The following STRIP2 variants were observed in gnomAD, a reference collection of about 807,000 sequenced individuals.
The protein encoded by STRIP2 is striatin-interacting protein 2.
In STRIP2, 84 loss-of-function variants were observed where a neutral mutation model predicts 107.1. That is an observed-to-expected ratio of 0.78 (90% CI 0.66 to 0.94). The LOEUF (loss-of-function observed/expected upper bound fraction) is 0.94, where lower values mean the gene tolerates loss of function less well. Ranked by LOEUF, STRIP2 falls within the 40% of genes least tolerant of loss-of-function variation. The probability of loss-of-function intolerance (pLI) is 0.00; values close to 1 mark genes in which losing one functional copy is unlikely to be tolerated. For missense variants in STRIP2, 888 were observed against 1,034.2 expected (o/e 0.86, Z 1.94); for synonymous variants, 394 against 400.4 (o/e 0.98, Z 0.19).
At chr7:129,485,421 C>T (rs1265118791) in intron 20 of STRIP2, among the ~76,000 whole-genome samples, 158 bp from the exon 21 acceptor site, 2 of 130,952 alleles carry the variant, frequency 1.5e-5, no homozygotes, top group Non-Finnish European at 3.1e-5. Flanking sequence ...TAAGTGTCAG[C>T]ATGCTGTATA....
chr7:129,450,054 C>T (rs1369156083), intron 3 of STRIP2, among the ~76,000 whole-genome samples: 1 of 152,172 alleles, frequency 6.6e-6, no homozygotes, highest in African/African-American at 2.4e-5. Flanking sequence ...ATTTATTTTG[C>T]ATAACTCTCT....
chr7:129,441,361 C>T (rs1295335976), intron 2 of STRIP2, among the ~76,000 whole-genome samples: 1 of 151,722 alleles, frequency 6.6e-6, no homozygotes, highest in Admixed American at 6.6e-5. Flanking sequence ...CAAGTCTACT[C>T]CTAGATATCC....
intron 3 of STRIP2, among the ~76,000 whole-genome samples, chr7:129,449,554 T>A (rs1281782177): frequency 1.3e-5 from 2 of 152,174 alleles, no homozygotes; most frequent in Admixed American, 6.5e-5. Context: ...TTGCCACTAC[T>A]GGGGATGGGG....
At position 129,458,143 on chromosome 7, in the gene STRIP2, A is replaced by G; in HGVS notation, c.1039-72A>G. The G allele has an allele frequency of 1.8e-6, 2 of 1,139,890 alleles. No homozygotes were observed. The highest frequency in any genetic ancestry group is 2.6e-6 in the Non-Finnish European group (2 of 759,472). The allele number at this position is 1,139,890 out of a possible 1,614,324, so 70.6% of individuals were successfully genotyped here. On this transcript the variant is annotated intron_variant, in intron 9 of 20. Coordinates refer to ENST00000249344, the MANE Select transcript of STRIP2 (RefSeq NM_020704.3). The surrounding 1 kb of genome is among the most constrained non-coding windows in gnomAD (Gnocchi z 4.6). Reference sequence around the variant, plus strand: ...CCCTGAAATGTGGAGGCCTGTGGATATGGGGTGGCCTCAGACAAGGATGCC... The same window carrying G: ...CCCTGAAATGTGGAGGCCTGTGGATGTGGGGTGGCCTCAGACAAGGATGCC...
At chr7:129,438,057 G>A (rs543877182) in intron 1 of STRIP2, among the ~76,000 whole-genome samples, 18 of 152,162 alleles carry the variant, frequency 1.2e-4, no homozygotes, top group African/African-American at 3.4e-4. Flanking sequence ...CGCCCACCTC[G>A]GCCTCCCAAA....
chr7:129,444,969 C>T (rs1664419995), intron 3 of STRIP2, among the ~76,000 whole-genome samples: 1 of 152,184 alleles, frequency 6.6e-6, no homozygotes, highest in South Asian at 2.1e-4. Context: ...TCATGACCAG[C>T]TGGTCACGTG....
chr7:129,456,675 A>T lies in STRIP2; in HGVS notation c.1038+33A>T, dbSNP rs771378544. 3.8e-6 allele frequency: 6 copies of T among 1,577,698 alleles called. No individual in the cohort carries two copies. In the Admixed American group the frequency reaches 6.8e-5, roughly 18 times the overall value. On this transcript the variant is annotated intron_variant, in intron 9 of 20. Coordinates refer to ENST00000249344, the MANE Select transcript of STRIP2 (RefSeq NM_020704.3). ...CTGAAGCAGACAATGGTATTGGGAC[A>T]CCGACTGGCCAAAAATCAAGATTCT...
At chr7:129,449,496 C>T (rs1798124660) in intron 3 of STRIP2, among the ~76,000 whole-genome samples, 1 of 152,162 alleles carries the variant, frequency 6.6e-6, no homozygotes, top group Non-Finnish European at 1.5e-5. Flanking sequence ...TTTATCTCCT[C>T]AGACAAAGGT....
rs762567887 is a variant in STRIP2 at position 129,451,681 on chromosome 7, C to T, written c.343C>T (p.Arg115Trp). ...QKAYIMGLLD[R>W]LEVVSRERRL... ...GGCCTATATAATGGGACTCTTGGAC[C>T]GGCTAGAGGTGGTCAGTAGGGAACG... Residue 115 changes from arginine to tryptophan, a missense_variant, in exon 4 of 21, where the codon CGG becomes TGG. By Grantham distance (101) the Arg-to-Trp change is moderately radical. Coordinates refer to ENST00000249344, the MANE Select transcript of STRIP2 (RefSeq NM_020704.3). 13 of 1,613,944 alleles carry T rather than the reference C, an allele frequency of 8.1e-6. No individual in the cohort carries two copies. Among genetic ancestry groups the T allele is most frequent in the African/African-American group, 1.3e-5 (1 of 74,880 alleles).
At position 129,483,376 on chromosome 7, in the gene STRIP2, G is replaced by A; in HGVS notation, c.2254+330G>A. The stretch of plus-strand genomic sequence containing the variant: ...ACTTTTTATTATTACAAAGCAGTTA[G>A]AAAAAAAGATAGAAAATACAAGTAA... On this transcript the variant is annotated intron_variant, in intron 20 of 20. Coordinates refer to ENST00000249344, the MANE Select transcript of STRIP2 (RefSeq NM_020704.3). This position sits in a 1 kb window ranked among gnomAD's most constrained non-coding sequence, Gnocchi z 5.1. 2.1e-6 allele frequency: 2 copies of A among 946,844 alleles called. No homozygotes were observed. The highest frequency in any genetic ancestry group is 4.7e-5 in the Admixed American group (1 of 21,486). 58.7% of individuals were successfully genotyped at this position (946,844 alleles called of 1,614,324 possible).
chr7:129,470,140 C>G (rs377479956), intron 17 of STRIP2, among the ~76,000 whole-genome samples: 2 of 152,318 alleles, frequency 1.3e-5, no homozygotes, highest in African/African-American at 4.8e-5. Context: ...CTATAGGAAA[C>G]TGCCCCTGTC....
chr7:129,482,376 TA>T (rs1432305711), intron 19 of STRIP2, among the ~76,000 whole-genome samples: 1,569 of 70,504 alleles, frequency 0.022, 21 homozygotes, highest in African/African-American at 0.035. Context: ...TATATATATA[TA>T]TTTTTTTTTT....
intron 16 of STRIP2, 80 bp downstream of exon 16, chr7:129,464,818 T>G: frequency 1.3e-6 from 2 of 1,564,274 alleles, no homozygotes; most frequent in African/African-American, 2.7e-5. Context: ...GCAAAGTCCC[T>G]TTTAATCCTG....
intron 14 of STRIP2, among the ~76,000 whole-genome samples, chr7:129,463,817 A>T (rs1175746162): frequency 6.6e-6 from 1 of 152,210 alleles, no homozygotes; most frequent in Non-Finnish European, 1.5e-5. Flanking sequence ...GTCTTGAAGC[A>T]TAACAGCCAA....
chr7:129,481,193 C>A (rs1799107098), intron 19 of STRIP2, among the ~76,000 whole-genome samples: 1 of 152,104 alleles, frequency 6.6e-6, no homozygotes, highest in African/African-American at 2.4e-5. Context: ...ATCATTGCAA[C>A]ATTGTTTATA....
At chr7:129,436,513 A>G (rs143917570) in intron 1 of STRIP2, among the ~76,000 whole-genome samples, 1 of 152,188 alleles carries the variant, frequency 6.6e-6, no homozygotes, top group Non-Finnish European at 1.5e-5. Context: ...GAAATGAACA[A>G]CTGCTGCGAT....
chr7:129,440,038 C>T lies in STRIP2; in HGVS notation c.146C>T (p.Pro49Leu), dbSNP rs1797855188. Residue 49 changes from proline to leucine, a missense_variant, in exon 2 of 21, where the codon CCC becomes CTC. Pro to Leu is a moderately conservative substitution (Grantham distance 98). Coordinates refer to ENST00000249344, the MANE Select transcript of STRIP2 (RefSeq NM_020704.3). ...CTGTTACAGGGCTCTGTGGACTGTC[C>T]CACTCTGGAGTTTGAGTATGGAGAT... ...RRESEGSVDC[P>L]TLEFEYGDAD... The T allele has an allele frequency of 6.2e-7, 1 of 1,613,932 alleles. No individual in the cohort carries two copies. Among genetic ancestry groups the T allele is most frequent in the Admixed American group, 1.7e-5 (1 of 59,994 alleles).
At chr7:129,459,821 T>G (rs1030934657) in intron 12 of STRIP2, among the ~76,000 whole-genome samples, 4 of 152,196 alleles carry the variant, frequency 2.6e-5, no homozygotes, top group Non-Finnish European at 5.9e-5. Context: ...CCTCTTCCCA[T>G]TCTTCTCTCT....
At chr7:129,435,105 G>A (rs926493587) in intron 1 of STRIP2, among the ~76,000 whole-genome samples, 2 of 152,224 alleles carry the variant, frequency 1.3e-5, no homozygotes, top group South Asian at 2.1e-4. Flanking sequence ...TTCCCTGCCC[G>A]TCCCCTTCCC....
Sources: allele counts gnomAD v4.1 joint callset (sites outside exome capture counted in the v4.1 genomes callset), GRCh38; gene constraint gnomAD v4.1.1; non-coding constraint Gnocchi (gnomAD v3.1); transcripts MANE v1.5; gene names NCBI Gene and HGNC (gene_info 2026-07-23, HGNC 2026-07-21).